The following EPB41L1 variants were observed in gnomAD, a reference collection of about 807,000 sequenced individuals.
The protein encoded by EPB41L1 is band 4.1-like protein 1.
Under a neutral mutation model 97.8 loss-of-function variants are expected in EPB41L1, and 29 were observed. The observed-to-expected ratio is 0.30, with a 90% CI of 0.22 to 0.40. EPB41L1 has a LOEUF of 0.40. Ranked by LOEUF, EPB41L1 falls within the 10% of genes least tolerant of loss-of-function variation. The probability of loss-of-function intolerance (pLI) is 1.00; values close to 1 mark genes in which losing one functional copy is unlikely to be tolerated. For missense variants in EPB41L1, 812 were observed against 1,162.3 expected (o/e 0.70, Z 4.38); for synonymous variants, 383 against 459.2 (o/e 0.83, Z 2.12).
chr20:36,160,269 A>T (rs1344505474), intron 1 of EPB41L1, among the ~76,000 whole-genome samples: 2 of 152,236 alleles, frequency 1.3e-5, no homozygotes, highest in Non-Finnish European at 2.9e-5. Flanking sequence ...TTACAAAAAA[A>T]ATTTGTGGAA....
intron 14 of EPB41L1, among the ~76,000 whole-genome samples, chr20:36,201,368 C>G (rs963863018): frequency 6.6e-6 from 1 of 152,172 alleles, no homozygotes; most frequent in Non-Finnish European, 1.5e-5. Context: ...TAGAGGCAGG[C>G]TCTGACTTCC....
rs908781983 is a variant in EPB41L1 at position 36,092,475 on chromosome 20, G to A, written c.-65+863G>A. 6.6e-6 allele frequency among the ~76,000 whole-genome samples: 1 copy of A among 151,946 alleles called. No individual in the cohort carries two copies. The highest frequency in any genetic ancestry group is 3.2e-3 in the Middle Eastern group (1 of 314). On this transcript the variant is annotated intron_variant, in intron 1 of 19. Coordinates refer to the EPB41L1 transcript ENST00000202028. This position sits in a 1 kb window ranked among gnomAD's most constrained non-coding sequence, Gnocchi z 7.0. The stretch of plus-strand genomic sequence containing the variant: ...GCTCCCCTCCCCGGGACCGGCGCGC[G>A]GCCCCAGCTCCGGCGGCTCCGGCGG...
At chr20:36,145,574 A>T (rs1374324377) in intron 2 of EPB41L1, among the ~76,000 whole-genome samples, 2 of 152,106 alleles carry the variant, frequency 1.3e-5, no homozygotes, top group African/African-American at 4.8e-5. Flanking sequence ...CACTCCGGTC[A>T]CTGAGTCTTC....
At chr20:36,160,760 GT>G (rs1033253135) in intron 1 of EPB41L1, among the ~76,000 whole-genome samples, 1 of 152,008 alleles carries the variant, frequency 6.6e-6, no homozygotes, top group Non-Finnish European at 1.5e-5. Flanking sequence ...TTGCATTATT[GT>G]TTTACAACTT....
intron 19 of EPB41L1, 90 bp downstream of exon 19, chr20:36,219,934 A>C (rs958979749): frequency 1.2e-5 from 14 of 1,132,308 alleles, no homozygotes; most frequent in Non-Finnish European, 1.7e-5. Flanking sequence ...GCCATCTGTA[A>C]AGTGGACAGA....
upstream of EPB41L1, chr20:36,151,311 C>T (rs866216217): frequency 3.3e-5 from 5 of 152,256 alleles, no homozygotes; most frequent in African/African-American, 1.2e-4. Flanking sequence ...GGTCCTGTCC[C>T]TTCTCTTCTG....
chr20:36,187,264 T>C (rs935112192), intron 7 of EPB41L1, among the ~76,000 whole-genome samples: 39 of 152,238 alleles, frequency 2.6e-4, no homozygotes, highest in African/African-American at 8.9e-4. Flanking sequence ...TGGCTTCTGA[T>C]ACTAAATTCT....
rs1444548868 is a variant in EPB41L1 at position 36,207,798 on chromosome 20, CCCCCGCCCCCACCGCTGCT to C, written c.1669-1681_1669-1663del. 7.8e-7 allele frequency: 1 copy of C among 1,279,758 alleles called. No homozygotes were observed. The highest frequency in any genetic ancestry group is 1.0e-6 in the Non-Finnish European group (1 of 982,632). The allele number at this position is 1,279,758 out of a possible 1,614,324, so 79.3% of individuals were successfully genotyped here. ...GAACTGGGGTAACTGGCCGCGTGAG[CCCCCGCCCCCACCGCTGCT>C]CCCCGCCCATGGGGGCTGGCCGCAT... On this transcript the variant is annotated intron_variant, in intron 14 of 21. Transcript: ENST00000338074. The surrounding 1 kb of genome is among the most constrained non-coding windows in gnomAD (Gnocchi z 4.9).
intron 9 of EPB41L1, among the ~76,000 whole-genome samples, chr20:36,189,173 T>G (rs1315435514): frequency 6.6e-6 from 1 of 152,154 alleles, no homozygotes; most frequent in East Asian, 1.9e-4. Flanking sequence ...TTCCTCTCCA[T>G]CACACCCGCC....
intron 19 of EPB41L1, among the ~76,000 whole-genome samples, chr20:36,221,387 G>A (rs2147085321): frequency 6.6e-6 from 1 of 152,346 alleles, no homozygotes; most frequent in South Asian, 2.1e-4. Flanking sequence ...TCTGCATTCA[G>A]CACTGCCCTG....
In EPB41L1 at chr20:36,102,776, C is replaced by G. The variant is rs2058059436; in HGVS notation, c.-64-9650C>G. Among the ~76,000 whole-genome samples, 5 of 152,196 alleles carry G rather than the reference C, an allele frequency of 3.3e-5. 1 individual carries two copies. Among genetic ancestry groups the G allele is most frequent in the Admixed American group, 3.3e-4 (5 of 15,276 alleles). ...CTGTCTGACCACATGCCCAAATGCT[C>G]AAGTCCTTTCTCCCTTTCCGTCCCC... On this transcript the variant is annotated intron_variant, in intron 1 of 19. Transcript: ENST00000202028.
At chr20:36,100,821 C>T (rs914512226) in intron 1 of EPB41L1, among the ~76,000 whole-genome samples, 2 of 152,132 alleles carry the variant, frequency 1.3e-5, no homozygotes, top group Non-Finnish European at 2.9e-5. Flanking sequence ...GGCTTCCAAT[C>T]GAGGAATCTT....
At chr20:36,199,737 C>T (rs1346907295) in intron 14 of EPB41L1, among the ~76,000 whole-genome samples, 2 of 152,226 alleles carry the variant, frequency 1.3e-5, no homozygotes, top group Non-Finnish European at 2.9e-5. Flanking sequence ...TTCTGCCCTT[C>T]AGCGTGGCCC....
intron 14 of EPB41L1, chr20:36,208,213 G>A (rs1015930236): frequency 2.9e-6 from 1 of 344,568 alleles, no homozygotes; most frequent in Non-Finnish European, 5.8e-6. Flanking sequence ...CAGTCCAGAG[G>A]TTTCCATCCT....
At chr20:36,105,420 G>A (rs1279925080) in intron 1 of EPB41L1, among the ~76,000 whole-genome samples, 1 of 152,170 alleles carries the variant, frequency 6.6e-6, no homozygotes, top group Non-Finnish European at 1.5e-5. Flanking sequence ...ACTCAGCCCA[G>A]GGCAAGTCAT....
rs2064466090 is a variant in EPB41L1, at chr20:36,230,998, C to G, written c.*1658C>G. On this transcript the variant is annotated 3_prime_UTR_variant, in exon 22 of 22. Coordinates refer to ENST00000338074, the MANE Select transcript of EPB41L1 (RefSeq NM_012156.2). ...GGTAAGGAGGCTTCATGGGGCAGACCCTGAAAGATCAAAACTGCATTTGCA... is the reference window on the plus strand; with the variant it reads ...GGTAAGGAGGCTTCATGGGGCAGACGCTGAAAGATCAAAACTGCATTTGCA... 1.3e-5 allele frequency: 2 copies of G among 152,264 alleles called. No homozygotes were observed. Among genetic ancestry groups the G allele is most frequent in the African/African-American group, 4.8e-5 (2 of 41,430 alleles). The allele number at this position is 152,264 out of a possible 1,614,324, so 9.4% of individuals were successfully genotyped here. A position where few individuals can be genotyped will look rare whatever the true frequency, so the allele number is the denominator to read the frequency against.
At chr20:36,133,811 T>G (rs1029669303) in intron 2 of EPB41L1, among the ~76,000 whole-genome samples, 1 of 144,964 alleles carries the variant, frequency 6.9e-6, no homozygotes, top group Non-Finnish European at 1.5e-5. Context: ...TGAGCCGAGA[T>G]CACGCCACTG....
chr20:36,149,913 G>C (rs1350634637), upstream of EPB41L1: 1 of 152,142 alleles, frequency 6.6e-6, no homozygotes, highest in African/African-American at 2.4e-5. Flanking sequence ...ATCTAAACCT[G>C]TACTGACCAA....
chr20:36,214,247 G>A (rs1401263897), intron 16 of EPB41L1, 110 bp from the exon 17 acceptor site: 8 of 789,444 alleles, frequency 1.0e-5, no homozygotes, highest in Admixed American at 4.0e-5. Context: ...TGCCAGTGAT[G>A]TTCACTCACA....
Sources: gnomAD v4.1 joint callset for allele counts (sites outside exome capture counted in the v4.1 genomes callset) on GRCh38, gnomAD v4.1.1 for gene constraint, Gnocchi (gnomAD v3.1) non-coding constraint, MANE v1.5 for transcripts, NCBI Gene and HGNC (gene_info 2026-07-23, HGNC 2026-07-21) for gene names.